FSTL1: variants seen among roughly 807,000 people sequenced by gnomAD.
The protein encoded by FSTL1 is follistatin like 1.
Under a neutral mutation model 45.9 loss-of-function variants are expected in FSTL1, and 24 were observed. That is an observed-to-expected ratio of 0.52 (90% CI 0.38 to 0.74). FSTL1 has a LOEUF of 0.74. FSTL1 is among the 30% of genes least tolerant of loss of function. The probability of loss-of-function intolerance (pLI) is 0.00; values close to 1 mark genes in which losing one functional copy is unlikely to be tolerated. For synonymous variants in FSTL1, 120 were observed against 137.6 expected (o/e 0.87, Z 0.89); for missense variants, 340 against 381.8 (o/e 0.89, Z 0.91).
rs942211635 is a variant in FSTL1 at position 120,444,842 on chromosome 3, T to G, written c.63+5842A>C. Reference sequence around the variant, plus strand: ...CAGTCGTGAGAATAAAGCTGGGGGGTGTGTGCTTTTTAAATTAAATTATAA... The same window carrying G: ...CAGTCGTGAGAATAAAGCTGGGGGGGGTGTGCTTTTTAAATTAAATTATAA... On this transcript the variant is annotated intron_variant, in intron 2 of 10. Coordinates refer to ENST00000295633, the MANE Select transcript of FSTL1 (RefSeq NM_007085.5). Among the ~76,000 whole-genome samples, 9 of 149,568 alleles carry G rather than the reference T, an allele frequency of 6.0e-5. 1 individual carries two copies. The highest frequency in any genetic ancestry group is 2.3e-4 in the African/African-American group (9 of 39,020).
chr3:120,450,971 C>T lies in FSTL1; in HGVS notation c.-75G>A, dbSNP rs1937888018. 2.2e-6 allele frequency: 1 copy of T among 458,372 alleles called. No homozygotes were observed. The allele number at this position is 458,372 out of a possible 1,614,324, so 28.4% of individuals were successfully genotyped here. ...GAGCTGTAAGCGGAGGTGGGAGCTC[C>T]GCCGATCGCCAGCCTCGGAGGAAAT... On this transcript the variant is annotated 5_prime_UTR_variant, in exon 1 of 11. Coordinates refer to ENST00000295633, the MANE Select transcript of FSTL1 (RefSeq NM_007085.5).
At chr3:120,426,493 A>AT (rs1328793464) in intron 2 of FSTL1, among the ~76,000 whole-genome samples, 1 of 152,054 alleles carries the variant, frequency 6.6e-6, no homozygotes, top group Non-Finnish European at 1.5e-5. Flanking sequence ...CACTCCACCC[A>AT]TTTTTGCCTT....
chr3:120,445,467 T>C (rs6768839), intron 2 of FSTL1, among the ~76,000 whole-genome samples: 44,600 of 148,440 alleles, frequency 0.3, 9,356 homozygotes, highest in African/African-American at 0.52. Flanking sequence ...CCCTAGATCA[T>C]CCCTATCCCT....
At chr3:120,422,373 G>A (rs978036406) in intron 2 of FSTL1, among the ~76,000 whole-genome samples, 2 of 152,078 alleles carry the variant, frequency 1.3e-5, no homozygotes, top group African/African-American at 4.8e-5. Flanking sequence ...ACTATGTAGA[G>A]GTAGTGAATA....
At chr3:120,405,730 C>T (rs1936934351) in intron 6 of FSTL1, among the ~76,000 whole-genome samples, 1 of 152,232 alleles carries the variant, frequency 6.6e-6, no homozygotes, top group Non-Finnish European at 1.5e-5. Flanking sequence ...GTGCAGTAAG[C>T]TCACACACTG....
intron 2 of FSTL1, among the ~76,000 whole-genome samples, chr3:120,449,646 A>G (rs930503048): frequency 1.3e-5 from 2 of 152,206 alleles, no homozygotes; most frequent in African/African-American, 4.8e-5. Flanking sequence ...TACAATGCGT[A>G]TTTTTTAAAA....
At chr3:120,428,269 T>C (rs1434521142) in intron 2 of FSTL1, among the ~76,000 whole-genome samples, 1 of 152,208 alleles carries the variant, frequency 6.6e-6, no homozygotes, top group African/African-American at 2.4e-5. Flanking sequence ...CCACGTGGTT[T>C]ATCTCCCCTT....
chr3:120,434,167 C>G (rs1937518003), intron 2 of FSTL1, among the ~76,000 whole-genome samples: 1 of 152,042 alleles, frequency 6.6e-6, no homozygotes, highest in African/African-American at 2.4e-5. Context: ...GCGGTGGGGA[C>G]AGAGGACAGT....
intron 2 of FSTL1, among the ~76,000 whole-genome samples, chr3:120,442,884 C>T (rs1937654390): frequency 7.7e-6 from 1 of 130,358 alleles, no homozygotes; most frequent in Admixed American, 7.6e-5. Flanking sequence ...CAGCAGACCC[C>T]CAGAACGGTC....
Position 120,416,016 on chromosome 3 carries a change from C to T in FSTL1, c.75G>A (p.Arg25=), listed in dbSNP as rs1488702837. The T allele has an allele frequency of 6.2e-7, 1 of 1,611,866 alleles. No homozygotes were observed. The highest frequency in any genetic ancestry group is 8.5e-7 in the Non-Finnish European group (1 of 1,177,950). ...VAWVRAEEEL[R]SKSKICANVF... ...CATTGGCACAGATCTTGGATTTGCTCCTTAGCTCTTCCTAAAACATACAAT... is the reference window on the plus strand; with the variant it reads ...CATTGGCACAGATCTTGGATTTGCTTCTTAGCTCTTCCTAAAACATACAAT... Residue 25 remains arginine, a synonymous_variant, in exon 3 of 11, where the codon AGG becomes AGA. Transcript: ENST00000295633.
intron 7 of FSTL1, 145 bp from the exon 8 acceptor site, chr3:120,403,499 T>C (rs1318530693): frequency 3.4e-6 from 2 of 594,132 alleles, no homozygotes; most frequent in Non-Finnish European, 6.0e-6. Flanking sequence ...CTCTCTACAC[T>C]GACCCAACAC....
chr3:120,414,873 T>A (rs36001904), intron 3 of FSTL1, among the ~76,000 whole-genome samples: 34,984 of 149,362 alleles, frequency 0.23, 5,133 homozygotes, highest in Non-Finnish European at 0.34. Context: ...CAGGGTCCTC[T>A]GCCTAGGAAA....
At chr3:120,435,385 G>A (rs554799406) in intron 2 of FSTL1, among the ~76,000 whole-genome samples, 2 of 152,234 alleles carry the variant, frequency 1.3e-5, no homozygotes, top group East Asian at 3.9e-4. Context: ...TTTCCCACGT[G>A]CATCACCACC....
At chr3:120,421,463 G>A (rs1041774839) in intron 2 of FSTL1, 2 of 152,432 alleles carry the variant, frequency 1.3e-5, no homozygotes, top group African/African-American at 4.8e-5. Flanking sequence ...TCACAGAACT[G>A]GGGAGAGCAG....
intron 6 of FSTL1, among the ~76,000 whole-genome samples, chr3:120,405,720 G>A (rs1300856513): frequency 1.3e-5 from 2 of 152,234 alleles, no homozygotes; most frequent in East Asian, 1.9e-4. Context: ...AAAGTGAGGA[G>A]TGCAGTAAGC....
At chr3:120,444,874 G>T (rs1937703796) in intron 2 of FSTL1, among the ~76,000 whole-genome samples, 2 of 149,564 alleles carry the variant, frequency 1.3e-5, no homozygotes, top group Admixed American at 6.6e-5. Flanking sequence ...ATAATCATTT[G>T]CCGGCGCTTC....
Position 120,416,699 on chromosome 3 carries a change from A to G in FSTL1, c.64-672T>C, listed in dbSNP as rs922228012. Among the ~76,000 whole-genome samples the G allele has an allele frequency of 2.0e-5, 3 of 152,128 alleles. No individual in the cohort carries two copies. The South Asian group carries it at 6.2e-4, about 32-fold the overall frequency. On this transcript the variant is annotated intron_variant, in intron 2 of 10. Transcript: ENST00000295633. The stretch of plus-strand genomic sequence containing the variant: ...AAACCATTGGAAACGTGGATTCGCT[A>G]TTTTTGCTATGGTCCCATTTAGCCC...
chr3:120,400,539 T>G (rs1038064581), intron 9 of FSTL1, among the ~76,000 whole-genome samples: 1 of 152,250 alleles, frequency 6.6e-6, no homozygotes, highest in African/African-American at 2.4e-5. Context: ...CAAGCTGCTC[T>G]TTTGCAAATT....
intron 7 of FSTL1, 73 bp downstream of exon 7, chr3:120,404,780 G>C (rs1936914578): frequency 1.2e-6 from 1 of 821,430 alleles, no homozygotes; most frequent in Non-Finnish European, 2.2e-6. Context: ...TTGCAGGTGG[G>C]AAAGGGTTTA....
Sources: allele counts gnomAD v4.1 joint callset (sites outside exome capture counted in the v4.1 genomes callset), GRCh38; gene constraint gnomAD v4.1.1; transcripts MANE v1.5; gene names NCBI Gene and HGNC (gene_info 2026-07-23, HGNC 2026-07-21).